The following FMNL2 variants were observed in gnomAD, a reference collection of about 807,000 sequenced individuals.
The protein encoded by FMNL2 is formin like 2, also known as formin-like protein 2.
In FMNL2, 51 loss-of-function variants were observed where a neutral mutation model predicts 130.2. The observed-to-expected ratio is 0.39, with a 90% CI of 0.31 to 0.49. The LOEUF is 0.49. Among genes scored for constraint, FMNL2 ranks in the 20% least tolerant of loss-of-function variants. FMNL2 has a pLI of 0.85. For synonymous variants in FMNL2, 465 were observed against 467.1 expected, an observed-to-expected ratio of 1.00 and a Z score of 0.06; for missense variants, 977 against 1,316.2, an observed-to-expected ratio of 0.74 and a Z score of 3.99.
intron 4 of FMNL2, among the ~76,000 whole-genome samples, chr2:152,551,004 T>C (rs1694906905): frequency 1.3e-5 from 2 of 151,980 alleles, no homozygotes; most frequent in African/African-American, 4.8e-5. Flanking sequence ...CCAGGCATGG[T>C]GGTGCGTGCT....
chr2:152,408,826 A>G (rs769614271), intron 1 of FMNL2, among the ~76,000 whole-genome samples: 4 of 152,184 alleles, frequency 2.6e-5, no homozygotes, highest in Non-Finnish European at 5.9e-5. Context: ...GAATGGTCGT[A>G]TGGGTACTGG....
intron 1 of FMNL2, among the ~76,000 whole-genome samples, chr2:152,375,071 CACAT>C (rs1684081278): frequency 6.6e-6 from 1 of 152,210 alleles, no homozygotes; most frequent in Admixed American, 6.5e-5. Flanking sequence ...ATGTATATTT[CACAT>C]ACATATATTT....
chr2:152,615,149 G>A lies in FMNL2; in HGVS notation c.1212+149G>A, dbSNP rs1698882163. On this transcript the variant is annotated intron_variant, in intron 12 of 25. Coordinates refer to ENST00000288670, the MANE Select transcript of FMNL2 (RefSeq NM_052905.4). ...AGAGAGAGCTATCAGAAGCTGTTCT[G>A]TGTTTTTTCCAAAAAGCAGATGTGT... 5 of 845,496 alleles carry A rather than the reference G, an allele frequency of 5.9e-6. No homozygotes were observed. The South Asian group carries it at 9.5e-5, about 16-fold the overall frequency. The allele number at this position is 845,496 out of a possible 1,614,324, so 52.4% of individuals were successfully genotyped here.
chr2:152,410,034 C>T (rs923497499), intron 1 of FMNL2, among the ~76,000 whole-genome samples: 4 of 151,924 alleles, frequency 2.6e-5, no homozygotes, highest in Non-Finnish European at 2.9e-5. Flanking sequence ...AAAGAAGCAA[C>T]GGGGGTGGCA....
intron 1 of FMNL2, among the ~76,000 whole-genome samples, chr2:152,518,571 C>A (rs78497210): frequency 2.6e-5 from 4 of 152,232 alleles, no homozygotes; most frequent in East Asian, 3.9e-4. Flanking sequence ...TATTCTTCAC[C>A]AACTCCTCCA....
chr2:152,486,524 G>A (rs1690837818), intron 1 of FMNL2, among the ~76,000 whole-genome samples: 1 of 152,178 alleles, frequency 6.6e-6, no homozygotes, highest in African/African-American at 2.4e-5. Flanking sequence ...TTAAATGGAA[G>A]GTTAAACACT....
At chr2:152,359,480 C>G (rs1309132003) in intron 1 of FMNL2, among the ~76,000 whole-genome samples, 1 of 57,810 alleles carries the variant, frequency 1.7e-5, no homozygotes, top group Non-Finnish European at 5.1e-5. Context: ...TAAGAGGTAG[C>G]CTTTTTTTTT....
chr2:152,414,225 G>C (rs754078753), intron 1 of FMNL2, among the ~76,000 whole-genome samples: 1 of 151,970 alleles, frequency 6.6e-6, no homozygotes, highest in Non-Finnish European at 1.5e-5. Flanking sequence ...ACAGATTATA[G>C]GATACGTCTT....
intron 6 of FMNL2, among the ~76,000 whole-genome samples, chr2:152,570,889 G>C (rs1696134905): frequency 6.6e-6 from 1 of 152,184 alleles, no homozygotes; most frequent in Non-Finnish European, 1.5e-5. Flanking sequence ...ATCCATAAAA[G>C]TGATAAGAAA....
chr2:152,391,354 T>G (rs1685096562), intron 1 of FMNL2, among the ~76,000 whole-genome samples: 1 of 152,150 alleles, frequency 6.6e-6, no homozygotes, highest in Admixed American at 6.5e-5. Context: ...TAAAAGACAA[T>G]TTTTCAGAAG....
chr2:152,481,735 G>A (rs1335691876), intron 1 of FMNL2, among the ~76,000 whole-genome samples: 2 of 152,194 alleles, frequency 1.3e-5, no homozygotes, highest in East Asian at 1.9e-4. Flanking sequence ...CCAGTGTTCA[G>A]ATCAACCTGA....
chr2:152,626,067 T>G (rs976345640), intron 16 of FMNL2, among the ~76,000 whole-genome samples: 7 of 152,150 alleles, frequency 4.6e-5, no homozygotes, highest in Admixed American at 4.6e-4. Context: ...AGACGGAGTC[T>G]CACTCTGTCG....
rs954384187 is a variant in FMNL2, at chr2:152,640,180, C to T, written c.3045+124C>T. ...GGATCCTGACCACTTCCTTCTGGTG[C>T]CTGGACACTTGGCAAATGGAAATAT... is the stretch of plus-strand genomic sequence containing the variant. On this transcript the variant is annotated intron_variant, in intron 24 of 25. Transcript: ENST00000288670. 4.4e-5 allele frequency: 32 copies of T among 721,294 alleles called. No homozygotes were observed. The Middle Eastern group carries it at 1.4e-3, about 31-fold the overall frequency. 44.7% of individuals were successfully genotyped at this position (721,294 alleles called of 1,614,324 possible).
At chr2:152,597,894 G>A (rs1002324124) in intron 9 of FMNL2, among the ~76,000 whole-genome samples, 2 of 152,192 alleles carry the variant, frequency 1.3e-5, no homozygotes, top group East Asian at 1.9e-4. Flanking sequence ...GGGTGTTAGG[G>A]TGAACTTGGG....
At position 152,435,152 on chromosome 2, in the gene FMNL2, T is replaced by A. The variant is rs115318447; in HGVS notation, c.118-86791T>A. ...TGACTCAGATACCTGTACATACATG[T>A]ACACCCCTCACCTTGCTCTCTTCAC... On this transcript the variant is annotated intron_variant, in intron 1 of 25. Transcript: ENST00000288670. Among the ~76,000 whole-genome samples, 369 of 152,288 alleles carry A rather than the reference T, an allele frequency of 2.4e-3. 2 individuals carry two copies. Among genetic ancestry groups the A allele is most frequent in the African/African-American group, 8.6e-3 (357 of 41,554 alleles).
intron 20 of FMNL2, among the ~76,000 whole-genome samples, chr2:152,630,785 G>T (rs369220257): frequency 6.6e-6 from 1 of 152,146 alleles, no homozygotes; most frequent in East Asian, 1.9e-4. Context: ...TGTGTAGGAG[G>T]CACCTGCATG....
At chr2:152,602,711 A>T (rs113264944) in intron 9 of FMNL2, among the ~76,000 whole-genome samples, 5 of 152,350 alleles carry the variant, frequency 3.3e-5, no homozygotes, top group African/African-American at 1.2e-4. Context: ...AGTGATGCCC[A>T]TCAATATAGA....
intron 1 of FMNL2, among the ~76,000 whole-genome samples, chr2:152,447,558 C>T (rs1015621848): frequency 3.9e-5 from 6 of 152,104 alleles, no homozygotes; most frequent in Non-Finnish European, 7.3e-5. Flanking sequence ...AGTATGTAAC[C>T]GAGACCCATG....
intron 1 of FMNL2, among the ~76,000 whole-genome samples, chr2:152,422,100 C>T (rs1349174225): frequency 6.6e-6 from 1 of 152,172 alleles, no homozygotes; most frequent in African/African-American, 2.4e-5. Flanking sequence ...CTCTTTAGGT[C>T]AAACCTGCTG....
Sources: gnomAD v4.1 joint callset for allele counts (sites outside exome capture counted in the v4.1 genomes callset) on GRCh38, gnomAD v4.1.1 for gene constraint, MANE v1.5 for transcripts, NCBI Gene and HGNC (gene_info 2026-07-23, HGNC 2026-07-21) for gene names.